The following KLKB1 variants were observed in gnomAD, a reference collection of about 807,000 sequenced individuals.
The protein encoded by KLKB1 is plasma kallikrein.
KLKB1 carries 58 observed loss-of-function variants against 73.6 expected under a neutral mutation model. That is an observed-to-expected ratio of 0.79 (90% CI 0.64 to 0.98). KLKB1 has a LOEUF of 0.98. KLKB1 is among the 50% of genes least tolerant of loss of function. The probability of loss-of-function intolerance (pLI) is 0.00; values close to 1 mark genes in which losing one functional copy is unlikely to be tolerated. For synonymous variants in KLKB1, 280 were observed against 258.1 expected (o/e 1.08, Z -0.81); for missense variants, 737 against 763.8 (o/e 0.96, Z 0.41).
chr4:186,256,929 C>G (rs1739023483), intron 13 of KLKB1, among the ~76,000 whole-genome samples: 1 of 151,944 alleles, frequency 6.6e-6, no homozygotes, highest in East Asian at 1.9e-4. Flanking sequence ...TGTCCCAACA[C>G]CACGTAGGCA....
chr4:186,236,103 G>T (rs1162192967), intron 4 of KLKB1, among the ~76,000 whole-genome samples: 1 of 104,880 alleles, frequency 9.5e-6, no homozygotes, highest in African/African-American at 4.1e-5. Context: ...GACAGAGCGA[G>T]ACTCCGTCTC....
chr4:186,243,633 G>A (rs543860721), intron 6 of KLKB1, among the ~76,000 whole-genome samples: 1 of 152,200 alleles, frequency 6.6e-6, no homozygotes, highest in Non-Finnish European at 1.5e-5. Context: ...GAGGCATTAA[G>A]ATGGAGAACC....
intron 6 of KLKB1, 49 bp from the exon 7 acceptor site, chr4:186,250,194 T>G (rs78605761): frequency 1.3e-6 from 2 of 1,550,434 alleles, no homozygotes; most frequent in African/African-American, 2.7e-5. Context: ...CAAGCAAATT[T>G]AGCCTCATGT....
At chr4:186,254,551 GC>G (rs35357401) in intron 11 of KLKB1, 36 bp from the exon 12 acceptor site, 2 of 1,550,780 alleles carry the variant, frequency 1.3e-6, no homozygotes, top group Non-Finnish European at 8.9e-7. Flanking sequence ...AGGAAGGACT[GC>G]CCAGTTTCAA....
intron 6 of KLKB1, among the ~76,000 whole-genome samples, chr4:186,242,491 G>A (rs1738109145): frequency 6.6e-6 from 1 of 152,126 alleles, no homozygotes; most frequent in African/African-American, 2.4e-5. Context: ...AGATGAAGCT[G>A]AAGGAATATT....
At chr4:186,251,159 G>C in intron 7 of KLKB1, 60 bp from the exon 8 acceptor site, 1 of 1,098,172 alleles carries the variant, frequency 9.1e-7, no homozygotes, top group Non-Finnish European at 1.4e-6. Flanking sequence ...TTTTGTATTT[G>C]CCTAATGCCT....
At position 186,257,994 on chromosome 4, in the gene KLKB1, CTATTT is replaced by C. The variant is rs770857005; in HGVS notation, c.1726-20_1726-16del. On this transcript the variant is annotated intron_variant, in intron 14 of 14. Transcript: ENST00000264690. ...TGAATCCCATTGTCGTAACTTTCTA[CTATTT>C]TATTTTTCCACTGTGACTCAGGGAG... is the stretch of plus-strand genomic sequence containing the variant. 3 of 1,607,174 alleles carry C rather than the reference CTATTT, an allele frequency of 1.9e-6. No individual in the cohort carries two copies. In the East Asian group the frequency reaches 6.7e-5, roughly 36 times the overall value.
chr4:186,252,219 T>C (rs772637714), intron 11 of KLKB1, 34 bp downstream of exon 11: 3 of 1,606,398 alleles, frequency 1.9e-6, no homozygotes, highest in Admixed American at 3.3e-5. Flanking sequence ...CAGAGTCTTA[T>C]CTTGGCTTTT....
At chr4:186,242,748 A>G (rs1352230825) in intron 6 of KLKB1, among the ~76,000 whole-genome samples, 1 of 152,106 alleles carries the variant, frequency 6.6e-6, no homozygotes, top group Non-Finnish European at 1.5e-5. Flanking sequence ...TTTGGGCTCT[A>G]TCCTTGACAG....
In KLKB1 at chr4:186,220,053, T is replaced by C. The variant is rs111628729; in HGVS notation, c.201+10781T>C. Among the ~76,000 whole-genome samples, 677 of 152,162 alleles carry C rather than the reference T, an allele frequency of 4.4e-3. 8 individuals carry two copies. Among genetic ancestry groups the C allele is most frequent in the African/African-American group, 0.016 (653 of 41,508 alleles). On this transcript the variant is annotated intron_variant, in intron 2 of 14. Coordinates refer to the KLKB1 transcript ENST00000511608. Reference sequence around the variant, plus strand: ...TTCCAGTTTAATGGAATCCTTGTTGTGTCTTCTGGTGGCAGCATTTTTCCC... The same window carrying C: ...TTCCAGTTTAATGGAATCCTTGTTGCGTCTTCTGGTGGCAGCATTTTTCCC...
At position 186,238,305 on chromosome 4, in the gene KLKB1, A is replaced by C. The variant is rs1308366528; in HGVS notation, c.538A>C (p.Lys180Gln). The change falls in exon 6 of 15, where the codon AAG (lysine) becomes CAG (glutamine). Residue 180 changes from lysine (K) to glutamine (Q), a missense_variant. Coordinates refer to ENST00000264690, the MANE Select transcript of KLKB1 (RefSeq NM_000892.5). Reference protein sequence around the residue: ...YSPGGTPTAIKVLSNVESGFS... With the variant: ...YSPGGTPTAIQVLSNVESGFS... The stretch of plus-strand genomic sequence containing the variant: ...TCCCGGAGGAACACCTACCGCTATA[A>C]AGGTGCTGAGTAACGTGGAATCTGG... The C allele has an allele frequency of 6.2e-7, 1 of 1,614,026 alleles. No homozygotes were observed. The highest frequency in any genetic ancestry group is 1.1e-5 in the South Asian group (1 of 91,078).
At position 186,232,171 on chromosome 4, in the gene KLKB1, G is replaced by C. The variant is rs754965474; in HGVS notation, c.103G>C (p.Asp35His). Residue 35 changes from aspartate (D) to histidine (H), a missense_variant, in exon 3 of 15, where the codon GAT becomes CAT. Transcript: ENST00000264690. ...TGAAAACGCCTTCTTCAGAGGTGGG[G>C]ATGTAGCTTCCATGTACACCCCAAA... is the stretch of plus-strand genomic sequence containing the variant. ...LYENAFFRGG[D>H]VASMYTPNAQ... The C allele has an allele frequency of 1.2e-6, 2 of 1,613,972 alleles. No individual in the cohort carries two copies. The highest frequency in any genetic ancestry group is 1.7e-5 in the Admixed American group (1 of 60,018).
intron 4 of KLKB1, among the ~76,000 whole-genome samples, chr4:186,235,272 G>C (rs1579999948): frequency 6.6e-6 from 1 of 152,152 alleles, no homozygotes; most frequent in East Asian, 1.9e-4. Context: ...AAAGTAATTT[G>C]TGCCTTTCTC....
upstream of KLKB1, among the ~76,000 whole-genome samples, chr4:186,225,655 C>T (rs6847184): frequency 0.024 from 3,689 of 151,946 alleles, 134 homozygotes; most frequent in African/African-American, 0.083. Context: ...AGGATGGTCT[C>T]GATCTCCTGA....
chr4:186,216,507 G>A (rs966189651), intron 2 of KLKB1, among the ~76,000 whole-genome samples: 3 of 152,174 alleles, frequency 2.0e-5, no homozygotes, highest in Non-Finnish European at 2.9e-5. Context: ...CTGGAGGATG[G>A]TATCCTGAGG....
intron 7 of KLKB1, 83 bp downstream of exon 7, chr4:186,250,485 CT>C: frequency 6.7e-7 from 1 of 1,498,688 alleles, no homozygotes; most frequent in Non-Finnish European, 9.3e-7. Flanking sequence ...CTTTTATAGT[CT>C]GAGTTCTTAA....
intron 12 of KLKB1, among the ~76,000 whole-genome samples, chr4:186,255,074 G>A (rs1488772967): frequency 6.6e-6 from 1 of 152,194 alleles, no homozygotes; most frequent in Non-Finnish European, 1.5e-5. Flanking sequence ...AAGAGTAGCA[G>A]AACTGTCATT....
chr4:186,245,612 C>T (rs1013055179), intron 6 of KLKB1, among the ~76,000 whole-genome samples: 3 of 152,118 alleles, frequency 2.0e-5, no homozygotes, highest in African/African-American at 7.2e-5. Flanking sequence ...AATGCTTGAC[C>T]ACTGCAGTTT....
intron 11 of KLKB1, 56 bp from the exon 12 acceptor site, chr4:186,254,532 C>T: frequency 7.3e-7 from 1 of 1,366,932 alleles, no homozygotes; most frequent in Non-Finnish European, 1.0e-6. Context: ...GAAAAAGGAA[C>T]ACTATTGAAG....
Sources: gnomAD v4.1 joint callset for allele counts (sites outside exome capture counted in the v4.1 genomes callset) on GRCh38, gnomAD v4.1.1 for gene constraint, MANE v1.5 for transcripts, NCBI Gene and HGNC (gene_info 2026-07-23, HGNC 2026-07-21) for gene names.